Variants in AMBRA1 observed in about 807,000 individuals in gnomAD.
AMBRA1 encodes activating molecule in BECN1-regulated autophagy protein 1.
AMBRA1 carries 47 observed loss-of-function variants against 125.4 expected under a neutral mutation model. The observed-to-expected ratio is 0.37, with a 90% CI of 0.30 to 0.48. The LOEUF is 0.48. AMBRA1 is among the 20% of genes least tolerant of loss of function. The pLI is 0.99. For missense variants in AMBRA1, 1,331 were observed against 1,693.4 expected (o/e 0.79, Z 3.76); for synonymous variants, 626 against 655.5 (o/e 0.95, Z 0.69).
Position 46,524,642 on chromosome 11 carries a change from TA to T in AMBRA1, c.2073-11830del, listed in dbSNP as rs1251293777. ...GAAATCTCTTATTTCACATGGTTAT[TA>T]TGATTAAGAACCTGTGTCAAGCACA... is the stretch of plus-strand genomic sequence containing the variant. On this transcript the variant is annotated intron_variant, in intron 7 of 17. Transcript: ENST00000683756. Among the ~76,000 whole-genome samples, 49 of 152,268 alleles carry T rather than the reference TA, an allele frequency of 3.2e-4. 1 individual carries two copies. Among genetic ancestry groups the T allele is most frequent in the African/African-American group, 1.2e-3 (49 of 41,566 alleles).
chr11:46,438,552 G>C (rs984768677), intron 12 of AMBRA1, among the ~76,000 whole-genome samples: 1 of 152,206 alleles, frequency 6.6e-6, no homozygotes, highest in African/African-American at 2.4e-5. Flanking sequence ...AAAACCCAAG[G>C]GGGGTTAAAT....
intron 14 of AMBRA1, among the ~76,000 whole-genome samples, chr11:46,431,427 G>T (rs932002656): frequency 3.3e-5 from 5 of 152,208 alleles, no homozygotes; most frequent in Non-Finnish European, 5.9e-5. Context: ...CACATTCCTT[G>T]AGCTGCCAGC....
chr11:46,495,120 A>G (rs1257398065), intron 9 of AMBRA1: 1 of 152,262 alleles, frequency 6.6e-6, no homozygotes, highest in Non-Finnish European at 1.5e-5. Context: ...GAGAAGAGGA[A>G]AGGAGCTTCA....
At chr11:46,485,972 G>A (rs960519553) in intron 11 of AMBRA1, among the ~76,000 whole-genome samples, 3 of 152,150 alleles carry the variant, frequency 2.0e-5, no homozygotes, top group Non-Finnish European at 2.9e-5. Flanking sequence ...AAGGCCCCGG[G>A]TGCTATAAGG....
chr11:46,507,054 G>A (rs1266279474), intron 9 of AMBRA1, among the ~76,000 whole-genome samples: 2 of 149,264 alleles, frequency 1.3e-5, no homozygotes, highest in African/African-American at 2.5e-5. Context: ...GCAGGCGCCT[G>A]TAGTCCCAGC....
chr11:46,569,060 G>C (rs1332641203), intron 1 of AMBRA1, among the ~76,000 whole-genome samples: 1 of 151,476 alleles, frequency 6.6e-6, no homozygotes, highest in Non-Finnish European at 1.5e-5. Context: ...ACCTGCCTTG[G>C]CCTCCCAAAG....
intron 1 of AMBRA1, among the ~76,000 whole-genome samples, chr11:46,588,941 G>T (rs945597766): frequency 1.3e-5 from 2 of 152,032 alleles, no homozygotes; most frequent in Non-Finnish European, 2.9e-5. Flanking sequence ...ACAAAAAAAT[G>T]GAAAAATAGT....
At position 46,494,158 on chromosome 11, in the gene AMBRA1, T is replaced by A; in HGVS notation, c.2386A>T (p.Met796Leu). Residue 796 changes from methionine (M) to leucine (L), a missense_variant, in exon 10 of 18, where the codon ATG (methionine) becomes TTG (leucine). Met to Leu is a conservative substitution (Grantham distance 15). This residue lies in a region of AMBRA1 where 354 missense variants were observed against 532.7 expected (regional missense o/e 0.66). Coordinates refer to ENST00000683756, the MANE Select transcript of AMBRA1 (RefSeq NM_001387011.1). ...SRHRAPRNAR[M>L]SAPSLGRFVP... The stretch of plus-strand genomic sequence containing the variant: ...AAGCGTCCAAGCGAAGGTGCAGACA[T>A]CCGGGCATTGCGTGGAGCTCGGTGC... 1 of 1,609,056 alleles carries A rather than the reference T, an allele frequency of 6.2e-7. No homozygotes were observed. The highest frequency in any genetic ancestry group is 8.5e-7 in the Non-Finnish European group (1 of 1,177,594).
Position 46,454,188 on chromosome 11 carries a change from A to T in AMBRA1, c.2522-10590T>A, listed in dbSNP as rs1386044695. On this transcript the variant is annotated intron_variant, in intron 11 of 17. Coordinates refer to ENST00000683756, the MANE Select transcript of AMBRA1 (RefSeq NM_001387011.1). ...GGAAAGGAAAAGAAATAGCTATGAA[A>T]TTTTTTTTTAATTTTTAATTTTTAG... 9.2e-5 allele frequency among the ~76,000 whole-genome samples: 14 copies of T among 151,398 alleles called. No homozygotes were observed. In the South Asian group the frequency reaches 2.1e-3, roughly 23 times the overall value.
At position 46,503,394 on chromosome 11, in the gene AMBRA1, C is replaced by T. The variant is rs149257876; in HGVS notation, c.2339+4797G>A. Among the ~76,000 whole-genome samples, 47 of 152,266 alleles carry T rather than the reference C, an allele frequency of 3.1e-4. 1 individual carries two copies. The East Asian group carries it at 6.9e-3, about 22-fold the overall frequency. On this transcript the variant is annotated intron_variant, in intron 9 of 17. Coordinates refer to ENST00000683756, the MANE Select transcript of AMBRA1 (RefSeq NM_001387011.1). ...CAACATTTACAATTAAGCTTATTGT[C>T]TTATATGATTGTGGTTCACAGTGCC...
chr11:46,586,433 G>A (rs1368150027), intron 1 of AMBRA1, among the ~76,000 whole-genome samples: 1 of 152,020 alleles, frequency 6.6e-6, no homozygotes. Flanking sequence ...TAAAAATAAA[G>A]ATCCATCTTT....
intron 1 of AMBRA1, among the ~76,000 whole-genome samples, chr11:46,556,711 T>A (rs1287191389): frequency 6.6e-6 from 1 of 152,206 alleles, no homozygotes; most frequent in Non-Finnish European, 1.5e-5. Context: ...TACCTTAGTT[T>A]CCTCATCCAT....
chr11:46,520,082 T>C (rs1223506108), intron 7 of AMBRA1, among the ~76,000 whole-genome samples: 1 of 149,000 alleles, frequency 6.7e-6, no homozygotes, highest in African/African-American at 2.5e-5. Context: ...GAGGTTGCAG[T>C]GACCCAAGAT....
At chr11:46,494,427 A>G (rs991840830) in intron 9 of AMBRA1, 1 of 459,084 alleles carries the variant, frequency 2.2e-6, no homozygotes. Context: ...CTCAGGAAAG[A>G]GGAGGATTTT....
chr11:46,428,588 T>TC (rs528391952), intron 14 of AMBRA1: 11 of 1,146,036 alleles, frequency 9.6e-6, no homozygotes, highest in Non-Finnish European at 1.4e-5. Context: ...TTCTTCTTCT[T>TC]CTTCTTTTTT....
intron 11 of AMBRA1, among the ~76,000 whole-genome samples, chr11:46,447,499 C>T (rs933315075): frequency 8.5e-5 from 13 of 152,148 alleles, no homozygotes; most frequent in African/African-American, 2.2e-4. Flanking sequence ...CGCACCACCA[C>T]ACTGCAGCCT....
chr11:46,411,429 G>A (rs1375821927), intron 15 of AMBRA1, among the ~76,000 whole-genome samples: 1 of 151,400 alleles, frequency 6.6e-6, no homozygotes. Flanking sequence ...AGGCTGTGCT[G>A]CCTCAGGTAA....
chr11:46,403,899 C>T (rs577561435), intron 17 of AMBRA1, among the ~76,000 whole-genome samples: 1 of 152,172 alleles, frequency 6.6e-6, no homozygotes, highest in African/African-American at 2.4e-5. Context: ...GCAGGCTTCC[C>T]ACATTAATAA....
intron 9 of AMBRA1, among the ~76,000 whole-genome samples, chr11:46,501,519 A>G (rs1226692409): frequency 6.6e-6 from 1 of 152,228 alleles, no homozygotes; most frequent in Non-Finnish European, 1.5e-5. Context: ...TATGTAAAGC[A>G]TACAATAATC....
Sources: gnomAD v4.1 joint callset for allele counts (sites outside exome capture counted in the v4.1 genomes callset) on GRCh38, gnomAD v4.1.1 for gene constraint, gnomAD v4.1.1 regional missense constraint, MANE v1.5 for transcripts, NCBI Gene and HGNC (gene_info 2026-07-23, HGNC 2026-07-21) for gene names.